Variants in ZFAT observed in about 807,000 individuals in gnomAD.
The protein encoded by ZFAT is zinc finger and AT-hook domain containing, also known as zinc finger protein ZFAT.
ZFAT carries 64 observed loss-of-function variants against 117.7 expected under a neutral mutation model. The ratio of observed to expected loss-of-function variants is 0.54; its 90% CI spans 0.44 to 0.67. The LOEUF (loss-of-function observed/expected upper bound fraction) is 0.67. Among genes scored for constraint, ZFAT ranks in the 30% least tolerant of loss-of-function variants. The pLI is 0.00. For synonymous variants in ZFAT, 679 were observed against 615.0 expected (o/e 1.10, Z -1.54); for missense variants, 1,433 against 1,584.5 (o/e 0.90, Z 1.62).
chr8:134,745,450 G>A, the ZFAT span, among the ~76,000 whole-genome samples: 1 of 152,202 alleles, frequency 6.6e-6, no homozygotes, highest in South Asian at 2.1e-4. Flanking sequence ...GAATGTTCCA[G>A]TAAGGAGGTG....
intron 10 of ZFAT, among the ~76,000 whole-genome samples, chr8:134,570,101 T>C (rs1387718088): frequency 6.6e-6 from 1 of 152,008 alleles, no homozygotes; most frequent in Non-Finnish European, 1.5e-5. Flanking sequence ...ATAGACACAG[T>C]CCACGCACCT....
chr8:134,748,547 T>A, the ZFAT span, among the ~76,000 whole-genome samples: 1 of 152,210 alleles, frequency 6.6e-6, no homozygotes, highest in South Asian at 2.1e-4. Context: ...AAGACAAATG[T>A]TGCTTTAGAC....
the ZFAT span, among the ~76,000 whole-genome samples, chr8:134,790,773 G>C: frequency 6.6e-6 from 1 of 152,132 alleles, no homozygotes; most frequent in Admixed American, 6.5e-5. Context: ...GTAACACTTT[G>C]GGAGGCCAAG....
At chr8:134,636,327 C>G (rs976959544) in intron 3 of ZFAT, among the ~76,000 whole-genome samples, 3 of 152,132 alleles carry the variant, frequency 2.0e-5, no homozygotes, top group African/African-American at 7.2e-5. Flanking sequence ...ATCCAGGAAG[C>G]AGGAAGGATG....
chr8:134,540,198 G>A (rs550541781), intron 11 of ZFAT, among the ~76,000 whole-genome samples: 1 of 152,268 alleles, frequency 6.6e-6, no homozygotes, highest in Admixed American at 6.5e-5. Flanking sequence ...GAATGCAGGG[G>A]CAGGCAGCCA....
chr8:134,624,606 G>A (rs762600830), intron 3 of ZFAT, among the ~76,000 whole-genome samples: 1 of 152,024 alleles, frequency 6.6e-6, no homozygotes, highest in Non-Finnish European at 1.5e-5. Flanking sequence ...GCAATGAGCC[G>A]AGGTCGCACC....
chr8:134,748,332 T>G, the ZFAT span, among the ~76,000 whole-genome samples: 43 of 152,360 alleles, frequency 2.8e-4, no homozygotes, highest in Non-Finnish European at 4.4e-4. Flanking sequence ...ACTGTGTGTA[T>G]TTGTTTTACA....
chr8:134,766,844 T>C, the ZFAT span: 1 of 152,250 alleles, frequency 6.6e-6, no homozygotes, highest in East Asian at 1.9e-4. Context: ...AACAGTCTGG[T>C]TCCAGAGGCT....
At chr8:134,816,403 A>C in the ZFAT span, among the ~76,000 whole-genome samples, 1 of 152,152 alleles carries the variant, frequency 6.6e-6, no homozygotes, top group Non-Finnish European at 1.5e-5. Context: ...TGAAAAAAAC[A>C]ACCAGAACAT....
chr8:134,595,699 C>A lies in ZFAT; in HGVS notation c.2475+4737G>T, dbSNP rs578116359. ...ATATTTCCTCAATGCCAAGACATCTCTGACTGTAAGTTGACATTATTTAGT... is the reference window on the plus strand; with the variant it reads ...ATATTTCCTCAATGCCAAGACATCTATGACTGTAAGTTGACATTATTTAGT... On this transcript the variant is annotated intron_variant, in intron 7 of 15. Coordinates refer to ENST00000377838, the MANE Select transcript of ZFAT (RefSeq NM_020863.4). Among the ~76,000 whole-genome samples, 6 of 152,358 alleles carry A rather than the reference C, an allele frequency of 3.9e-5. No individual in the cohort carries two copies. In the South Asian group the frequency reaches 1.0e-3, roughly 26 times the overall value.
Position 134,649,167 on chromosome 8 carries a change from A to T in ZFAT, c.196+8394T>A, listed in dbSNP as rs2021195. ...ACCTAATGAAGAACATCTATCTCTC[A>T]CACACACACACACACACACACACAC... On this transcript the variant is annotated intron_variant, in intron 2 of 15. Transcript: ENST00000377838. 9.5e-3 allele frequency among the ~76,000 whole-genome samples: 1,211 copies of T among 127,274 alleles called. 14 individuals carry two copies. Among genetic ancestry groups the T allele is most frequent in the African/African-American group, 0.044 (1,109 of 25,048 alleles). The allele number at this position is 127,274 out of a possible 152,430, so 83.5% of individuals were successfully genotyped here. A position where few individuals can be genotyped will look rare whatever the true frequency, so the allele number is the denominator to read the frequency against.
chr8:134,528,299 T>C lies in ZFAT; in HGVS notation c.3115+4535A>G, dbSNP rs372906392. On this transcript the variant is annotated intron_variant, in intron 12 of 15. Transcript: ENST00000377838. ...GATTATGCCAAGCTCACAGGGCCAT[T>C]GTGAGAGATAAATTAACACATAAAA... Among the ~76,000 whole-genome samples, 24 of 152,386 alleles carry C rather than the reference T, an allele frequency of 1.6e-4. 2 individuals are homozygous for C. Among genetic ancestry groups the C allele is most frequent in the Admixed American group, 1.2e-3 (18 of 15,308 alleles).
the ZFAT span, among the ~76,000 whole-genome samples, chr8:134,789,328 T>C: frequency 1.3e-5 from 2 of 152,204 alleles, no homozygotes; most frequent in Admixed American, 6.5e-5. Flanking sequence ...CCACAGATAT[T>C]TTAAACCACA....
intron 1 of ZFAT, among the ~76,000 whole-genome samples, chr8:134,685,494 T>C (rs1833276105): frequency 6.6e-6 from 1 of 152,186 alleles, no homozygotes; most frequent in Non-Finnish European, 1.5e-5. Flanking sequence ...CTCTGCTGTG[T>C]TTGTTATAAT....
At chr8:134,779,489 C>T in the ZFAT span, among the ~76,000 whole-genome samples, 2 of 152,110 alleles carry the variant, frequency 1.3e-5, no homozygotes, top group Non-Finnish European at 2.9e-5. Flanking sequence ...GGGAATTCAC[C>T]GTCTATACTT....
chr8:134,556,379 G>C (rs1439433501), intron 11 of ZFAT, among the ~76,000 whole-genome samples: 1 of 151,964 alleles, frequency 6.6e-6, no homozygotes, highest in Non-Finnish European at 1.5e-5. Context: ...TGTAGTCCTA[G>C]AAGGAAAGGA....
the ZFAT span, among the ~76,000 whole-genome samples, chr8:134,772,983 TG>T: frequency 6.6e-6 from 1 of 150,626 alleles, no homozygotes; most frequent in African/African-American, 2.5e-5. Flanking sequence ...TCCCAGCTAC[TG>T]GGAGGGCCGA....
At chr8:134,774,152 C>T in the ZFAT span, among the ~76,000 whole-genome samples, 5 of 151,880 alleles carry the variant, frequency 3.3e-5, no homozygotes, top group East Asian at 1.9e-4. Flanking sequence ...CACACCACCA[C>T]GCTCGGCTAA....
chr8:134,652,813 T>G (rs1472443667), intron 2 of ZFAT, among the ~76,000 whole-genome samples: 1 of 152,176 alleles, frequency 6.6e-6, no homozygotes, highest in Non-Finnish European at 1.5e-5. Flanking sequence ...AGATCTTAGA[T>G]CCTAGTGAGA....
Sources: allele counts gnomAD v4.1 joint callset (sites outside exome capture counted in the v4.1 genomes callset), GRCh38; gene constraint gnomAD v4.1.1; transcripts MANE v1.5; gene names NCBI Gene and HGNC (gene_info 2026-07-23, HGNC 2026-07-21).